NOP9: variants seen among roughly 807,000 people sequenced by gnomAD.
NOP9 encodes the protein NOP9 nucleolar protein.
In NOP9, 50 loss-of-function variants were observed where a neutral mutation model predicts 63.0. The ratio of observed to expected loss-of-function variants is 0.79; its 90% CI spans 0.63 to 1.00. The LOEUF is 1.00. Ranked by LOEUF, NOP9 falls within the 50% of genes least tolerant of loss-of-function variation. NOP9 has a pLI of 0.00. For missense variants in NOP9, 758 were observed against 803.0 expected (o/e 0.94, Z 0.68); for synonymous variants, 343 against 332.8 (o/e 1.03, Z -0.33).
At chr14:24,291,899 C>G in the NOP9 span, 1 of 601,414 alleles carries the variant, frequency 1.7e-6, no homozygotes, top group Admixed American at 3.0e-5. Flanking sequence ...TCTAAGCTAG[C>G]TGGTGTGGGG....
the NOP9 span, among the ~76,000 whole-genome samples, chr14:24,272,341 C>T: frequency 6.6e-6 from 1 of 152,236 alleles, no homozygotes; most frequent in Non-Finnish European, 1.5e-5. Flanking sequence ...CCCAGAGACA[C>T]CTCAAACTCC....
Position 24,300,489 on chromosome 14 carries a change from T to C in NOP9, c.329T>C (p.Leu110Pro). Residue 110 changes from leucine (L) to proline (P), a missense_variant, in exon 2 of 10, where the codon CTG becomes CCG. Leu to Pro is a moderately conservative substitution (Grantham distance 98). Coordinates refer to ENST00000267425, the MANE Select transcript of NOP9 (RefSeq NM_174913.3). ...ACGAACAGGACTGGCAGTGAGATGCTGCAGGAACTGTTGGGATTCAGTCCC... is the reference window on the plus strand; with the variant it reads ...ACGAACAGGACTGGCAGTGAGATGCCGCAGGAACTGTTGGGATTCAGTCCC... ...LSTNRTGSEM[L>P]QELLGFSPLK... 1.9e-6 allele frequency: 3 copies of C among 1,614,268 alleles called. No individual in the cohort carries two copies. The highest frequency in any genetic ancestry group is 2.5e-6 in the Non-Finnish European group (3 of 1,180,052).
upstream of NOP9, chr14:24,298,679 C>T (rs1261410526): frequency 6.0e-6 from 2 of 336,046 alleles, no homozygotes; most frequent in Non-Finnish European, 1.1e-5. Context: ...TAGGCTCAAG[C>T]GATCCTCCTG....
chr14:24,307,421 T>A lies in NOP9; in HGVS notation c.*2326T>A. The A allele has an allele frequency of 6.2e-7, 1 of 1,614,046 alleles. No individual in the cohort carries two copies. The highest frequency in any genetic ancestry group is 8.5e-7 in the Non-Finnish European group (1 of 1,179,962). On this transcript the variant is annotated 3_prime_UTR_variant, in exon 10 of 10. Transcript: ENST00000267425. ...GCAGCTGTCAGGCCTTTCCGGATGG[T>A]CCGCTTGTGATCACAGACACGGAAA... is the stretch of plus-strand genomic sequence containing the variant.
chr14:24,297,964 C>G (rs1034820500), upstream of NOP9, among the ~76,000 whole-genome samples: 13 of 152,196 alleles, frequency 8.5e-5, no homozygotes, highest in Middle Eastern at 3.2e-3. Flanking sequence ...GCATATCTCC[C>G]TCTTATAATT....
chr14:24,298,939 C>G (rs2041313499), upstream of NOP9: 2 of 1,592,572 alleles, frequency 1.3e-6, no homozygotes, highest in African/African-American at 2.7e-5. Context: ...CAACTGTGGT[C>G]CCAGAGGAAG....
intron 9 of NOP9, 85 bp downstream of exon 9, chr14:24,304,683 A>AT (rs2041446527): frequency 8.8e-7 from 1 of 1,136,332 alleles, no homozygotes; most frequent in East Asian, 2.5e-5. Context: ...GTCTACTGAA[A>AT]TTCAACAGTC....
the NOP9 span, chr14:24,294,017 C>A: frequency 6.6e-6 from 1 of 152,046 alleles, no homozygotes; most frequent in Non-Finnish European, 1.5e-5. Context: ...TTTGGGACAA[C>A]CGACCAGTTA....
Position 24,305,019 on chromosome 14 carries a change from G to T in NOP9, c.1835G>T (p.Arg612Leu). Residue 612 changes from arginine to leucine, a missense_variant, in exon 10 of 10, where the codon CGG becomes CTG. By Grantham distance (102) the Arg-to-Leu change is moderately radical. Coordinates refer to ENST00000267425, the MANE Select transcript of NOP9 (RefSeq NM_174913.3). ...RNVALTTFLK[R>L]REAWEQQQGA... is the part of the protein sequence containing the mutation. ...GTGGCCTTGACTACCTTCCTAAAGC[G>T]GCGAGAGGCTTGGGAACAGCAGCAG... 2 of 1,607,494 alleles carry T rather than the reference G, an allele frequency of 1.2e-6. No homozygotes were observed. Among genetic ancestry groups the T allele is most frequent in the Non-Finnish European group, 1.7e-6 (2 of 1,177,232 alleles).
chr14:24,306,185 A>G lies in NOP9; in HGVS notation c.*1090A>G. 6.3e-7 allele frequency: 1 copy of G among 1,582,496 alleles called. No homozygotes were observed. Among genetic ancestry groups the G allele is most frequent in the South Asian group, 1.1e-5 (1 of 88,370 alleles). Reference sequence around the variant, plus strand: ...CAGTAGATCCTCATACCAGACACCCACCACTAATCTCCATCAGCACTGGGT... The same window carrying G: ...CAGTAGATCCTCATACCAGACACCCGCCACTAATCTCCATCAGCACTGGGT... On this transcript the variant is annotated 3_prime_UTR_variant, in exon 10 of 10. Coordinates refer to ENST00000267425, the MANE Select transcript of NOP9 (RefSeq NM_174913.3).
intron 2 of NOP9, 80 bp downstream of exon 2, chr14:24,300,937 AAG>A (rs1480249913): frequency 2.6e-6 from 3 of 1,166,652 alleles, no homozygotes; most frequent in Non-Finnish European, 3.7e-6. Flanking sequence ...ACAGAAGAGT[AAG>A]TCTTCATGGG....
intron 3 of NOP9, 23 bp from the exon 4 acceptor site, chr14:24,301,942 T>C (rs754111561): frequency 1.9e-6 from 3 of 1,596,228 alleles, no homozygotes; most frequent in Non-Finnish European, 2.6e-6. Flanking sequence ...GAAAGCCGCT[T>C]TATTTCTGCC....
chr14:24,307,333 A>C lies in NOP9; in HGVS notation c.*2238A>C. On this transcript the variant is annotated 3_prime_UTR_variant, in exon 10 of 10. Coordinates refer to ENST00000267425, the MANE Select transcript of NOP9 (RefSeq NM_174913.3). ...GCCACTGTTGTGGAGCCCCTTGGCTACCCCTGCTATAGGAACCGAGGAACT... is the reference window on the plus strand; with the variant it reads ...GCCACTGTTGTGGAGCCCCTTGGCTCCCCCTGCTATAGGAACCGAGGAACT... 6.3e-7 allele frequency: 1 copy of C among 1,586,884 alleles called. No homozygotes were observed. Among genetic ancestry groups the C allele is most frequent in the Non-Finnish European group, 8.6e-7 (1 of 1,164,300 alleles).
the NOP9 span, among the ~76,000 whole-genome samples, chr14:24,276,179 C>A: frequency 6.6e-6 from 1 of 151,796 alleles, no homozygotes; most frequent in East Asian, 1.9e-4. Flanking sequence ...GAGTTGGAGA[C>A]CAGCCTGTCC....
chr14:24,291,440 A>G, the NOP9 span: 1 of 1,236,344 alleles, frequency 8.1e-7, no homozygotes, highest in Non-Finnish European at 1.2e-6. Context: ...CTCAAAAAGC[A>G]GAGAAAAGAA....
the NOP9 span, among the ~76,000 whole-genome samples, chr14:24,278,887 A>G: frequency 6.6e-6 from 1 of 152,170 alleles, no homozygotes; most frequent in African/African-American, 2.4e-5. Flanking sequence ...TGGTGAGAAG[A>G]GCCCATGACC....
chr14:24,291,073 A>AG, the NOP9 span: 2,192 of 1,613,030 alleles, frequency 1.4e-3, 5 homozygotes, highest in Non-Finnish European at 1.8e-3. Flanking sequence ...GGAGAGACCG[A>AG]GGGAGGAGTG....
In NOP9 at chr14:24,304,103, G is replaced by C. The variant is rs200412837; in HGVS notation, c.1473G>C (p.Gln491His). The C allele has an allele frequency of 1.7e-4, 277 of 1,614,130 alleles. No homozygotes were observed. The highest frequency in any genetic ancestry group is 2.2e-4 in the Non-Finnish European group (259 of 1,180,046). ...CAGTCCTTGGGTCTCTACTGCTCCA[G>C]CATCTGCTGCACTTCTCCACTCCTG... ...DVTVLGSLLL[Q>H]HLLHFSTPGL... is the part of the protein sequence containing the mutation. The change falls in exon 8 of 10, where the codon CAG becomes CAC. Residue 491 changes from glutamine to histidine, a missense_variant. By Grantham distance (24) the Gln-to-His change is conservative. Transcript: ENST00000267425.
the NOP9 span, chr14:24,292,647 C>G: frequency 6.2e-7 from 1 of 1,614,240 alleles, no homozygotes; most frequent in Admixed American, 1.7e-5. Flanking sequence ...CCACTGGGTC[C>G]TCACCGCAGC....
Sources: allele counts gnomAD v4.1 joint callset (sites outside exome capture counted in the v4.1 genomes callset), GRCh38; gene constraint gnomAD v4.1.1; transcripts MANE v1.5; gene names NCBI Gene and HGNC (gene_info 2026-07-23, HGNC 2026-07-21).